ANKRD30BL: variants seen among roughly 807,000 people sequenced by gnomAD.
The protein encoded by ANKRD30BL is ankyrin repeat domain 30B like, also known as putative ankyrin repeat domain-containing protein 30B-like.
In ANKRD30BL, 20 loss-of-function variants were observed where a neutral mutation model predicts 18.4. That is an observed-to-expected ratio of 1.09 (90% confidence interval 0.77 to 1.58). The LOEUF is 1.58. Among genes scored for constraint, ANKRD30BL ranks in the 40% most tolerant of loss-of-function variants. The probability of loss-of-function intolerance (pLI) is 0.00; values close to 1 mark genes in which losing one functional copy is unlikely to be tolerated. For synonymous variants in ANKRD30BL, 72 were observed against 100.9 expected (o/e 0.71, Z 1.72); for missense variants, 224 against 268.6 (o/e 0.83, Z 1.16).
chr2:132,180,946 G>A (rs1259525413), intron 1 of ANKRD30BL, among the ~76,000 whole-genome samples: 4 of 152,066 alleles, frequency 2.6e-5, no homozygotes, highest in Non-Finnish European at 4.4e-5. Flanking sequence ...AGGACATTGA[G>A]ACCATCCTGG....
intron 1 of ANKRD30BL, among the ~76,000 whole-genome samples, chr2:132,240,422 C>T (rs970979154): frequency 1.1e-4 from 16 of 151,844 alleles, no homozygotes; most frequent in African/African-American, 3.9e-4. Flanking sequence ...TTTTGAAACA[C>T]TCTTTTTGTA....
At chr2:132,229,546 A>G (rs77191280) in intron 1 of ANKRD30BL, among the ~76,000 whole-genome samples, 1 of 152,096 alleles carries the variant, frequency 6.6e-6, no homozygotes, top group East Asian at 1.9e-4. Flanking sequence ...AGCACAATTT[A>G]GAAACTCTCT....
At chr2:132,177,186 C>A (rs79308903) in intron 1 of ANKRD30BL, among the ~76,000 whole-genome samples, 1 of 151,676 alleles carries the variant, frequency 6.6e-6, no homozygotes, top group African/African-American at 2.4e-5. Context: ...ATGGAATTTC[C>A]CTTGGTCACC....
At chr2:132,203,666 A>G (rs1423945703) in intron 1 of ANKRD30BL, among the ~76,000 whole-genome samples, 1 of 151,320 alleles carries the variant, frequency 6.6e-6, no homozygotes, top group African/African-American at 2.4e-5. Flanking sequence ...GTGTGATGAC[A>G]TACTTGGGAT....
At chr2:132,167,631 T>A (rs1263697510) in intron 1 of ANKRD30BL, among the ~76,000 whole-genome samples, 1 of 152,064 alleles carries the variant, frequency 6.6e-6, no homozygotes, top group Admixed American at 6.6e-5. Context: ...TTTTAATTGA[T>A]CATCTTCTAT....
intron 1 of ANKRD30BL, among the ~76,000 whole-genome samples, chr2:132,196,690 G>A (rs111254749): frequency 0.021 from 3,220 of 151,828 alleles, 110 homozygotes; most frequent in African/African-American, 0.074. Flanking sequence ...GGAGGCTGAA[G>A]CAGGAGAGGA....
intron 1 of ANKRD30BL, among the ~76,000 whole-genome samples, chr2:132,239,677 C>T (rs986565080): frequency 6.6e-6 from 1 of 151,900 alleles, no homozygotes; most frequent in African/African-American, 2.4e-5. Flanking sequence ...TCAGAAACAT[C>T]TTTGTGATGT....
At chr2:132,253,610 C>T (rs533096533) in intron 1 of ANKRD30BL, among the ~76,000 whole-genome samples, 122 of 152,248 alleles carry the variant, frequency 8.0e-4, no homozygotes, top group African/African-American at 2.6e-3. Flanking sequence ...AGTGGCGACA[C>T]GCAAGTGTGG....
At chr2:132,227,717 T>C (rs1399327369) in intron 1 of ANKRD30BL, among the ~76,000 whole-genome samples, 2 of 152,180 alleles carry the variant, frequency 1.3e-5, no homozygotes, top group Non-Finnish European at 2.9e-5. Flanking sequence ...AAAGGAAATA[T>C]CTTCACATAA....
chr2:132,212,527 A>G (rs13392921), intron 1 of ANKRD30BL, among the ~76,000 whole-genome samples: 26,309 of 151,828 alleles, frequency 0.17, 5,069 homozygotes, highest in African/African-American at 0.48. Flanking sequence ...GTGTCCATTC[A>G]TCTGACAGTG....
chr2:132,208,114 G>T (rs1309811076), intron 1 of ANKRD30BL, among the ~76,000 whole-genome samples: 1 of 152,096 alleles, frequency 6.6e-6, no homozygotes, highest in Non-Finnish European at 1.5e-5. Flanking sequence ...GATACCTGAG[G>T]CATTGGATTC....
rs369366110 is a variant in ANKRD30BL at position 132,211,900 on chromosome 2, G to A, written n.441+45629C>T. On this transcript the variant is annotated intron_variant and non_coding_transcript_variant, in intron 1 of 4. Coordinates refer to the ANKRD30BL transcript ENST00000470729. ...CGCTTTGTGGCCTAAGGTGGAAAAG[G>A]AAATATCTTCACATAAAAACTAGAC... 1.9e-4 allele frequency among the ~76,000 whole-genome samples: 29 copies of A among 151,910 alleles called. 1 individual carries two copies. The East Asian group carries it at 5.1e-3, about 26-fold the overall frequency.
intron 1 of ANKRD30BL, among the ~76,000 whole-genome samples, chr2:132,200,053 G>A (rs1440139419): frequency 6.6e-6 from 1 of 152,098 alleles, no homozygotes; most frequent in Non-Finnish European, 1.5e-5. Context: ...CAGAACCAAA[G>A]ACAAAAACCA....
At chr2:132,255,129 A>G (rs1276358452) in intron 1 of ANKRD30BL, among the ~76,000 whole-genome samples, 1 of 152,234 alleles carries the variant, frequency 6.6e-6, no homozygotes, top group African/African-American at 2.4e-5. Context: ...GGCATCGTTT[A>G]TGGTCGGAAT....
chr2:132,208,465 C>T lies in ANKRD30BL; in HGVS notation n.441+49064G>A, dbSNP rs1350414355. On this transcript the variant is annotated intron_variant and non_coding_transcript_variant, in intron 1 of 4. Transcript: ENST00000470729. ...CTATTTTTCTCTGGAGCATATCAAC[C>T]GGATGCTGTCCATGTATTCCATAAG... 6.6e-5 allele frequency among the ~76,000 whole-genome samples: 10 copies of T among 152,130 alleles called. 1 individual carries two copies. The highest frequency in any genetic ancestry group is 9.6e-5 in the African/African-American group (4 of 41,510).
Position 132,167,275 on chromosome 2 carries a change from T to TTTTTATTTTATTTTATTTTA in ANKRD30BL, n.442-10149_442-10130dup, listed in dbSNP as rs71001175. Among the ~76,000 whole-genome samples the TTTTTATTTTATTTTATTTTA allele has an allele frequency of 4.6e-3, 512 of 111,194 alleles. 7 individuals carry two copies. Among genetic ancestry groups the TTTTTATTTTATTTTATTTTA allele is most frequent in the African/African-American group, 8.4e-3 (236 of 28,066 alleles). The allele number at this position is 111,194 out of a possible 152,430, so 72.9% of individuals were successfully genotyped here. ...TATAAACATTAATTACATTCATTTA[T>TTTTTATTTTATTTTATTTTA]TTTTATTTTATTTTATTTTATTTTA... On this transcript the variant is annotated intron_variant and non_coding_transcript_variant, in intron 1 of 4. Transcript: ENST00000470729.
At chr2:132,212,228 C>A (rs1181069611) in intron 1 of ANKRD30BL, among the ~76,000 whole-genome samples, 2 of 151,158 alleles carry the variant, frequency 1.3e-5, no homozygotes, top group Non-Finnish European at 3.0e-5. Context: ...CTCTTTGAGG[C>A]CTATGGTGGA....
At chr2:132,176,258 G>A (rs1434180581) in intron 1 of ANKRD30BL, among the ~76,000 whole-genome samples, 1 of 151,736 alleles carries the variant, frequency 6.6e-6, no homozygotes, top group Non-Finnish European at 1.5e-5. Context: ...GGCTGGGCAC[G>A]GTGGTTCACG....
intron 1 of ANKRD30BL, among the ~76,000 whole-genome samples, chr2:132,160,418 T>C (rs565162052): frequency 7.0e-5 from 10 of 143,842 alleles, no homozygotes; most frequent in South Asian, 2.2e-4. Flanking sequence ...TTTTTTTTTT[T>C]CAAATTTTAT....
Sources: gnomAD v4.1 joint callset for allele counts (sites outside exome capture counted in the v4.1 genomes callset) on GRCh38, gnomAD v4.1.1 for gene constraint, MANE v1.5 for transcripts, NCBI Gene and HGNC (gene_info 2026-07-23, HGNC 2026-07-21) for gene names.